PTPRT: variants seen among roughly 807,000 people sequenced by gnomAD.
PTPRT encodes receptor-type tyrosine-protein phosphatase T.
In PTPRT, 56 loss-of-function variants were observed where a neutral mutation model predicts 176.8. The ratio of observed to expected loss-of-function variants is 0.32; its 90% CI spans 0.26 to 0.40. The LOEUF (loss-of-function observed/expected upper bound fraction) is 0.40, where lower values mean the gene tolerates loss of function less well. Ranked by LOEUF, PTPRT falls within the 10% of genes least tolerant of loss-of-function variation. The probability of loss-of-function intolerance (pLI) is 1.00; values close to 1 mark genes in which losing one functional copy is unlikely to be tolerated. For missense variants in PTPRT, 1,540 were observed against 1,908.2 expected (o/e 0.81, Z 3.60); for synonymous variants, 783 against 739.0 (o/e 1.06, Z -0.96).
chr20:42,470,453 C>T (rs1196251557), intron 8 of PTPRT, among the ~76,000 whole-genome samples: 1 of 152,126 alleles, frequency 6.6e-6, no homozygotes, highest in Non-Finnish European at 1.5e-5. Context: ...CCCAGTCTCC[C>T]CTGGGAAAAC....
chr20:43,147,606 C>T (rs113026818), intron 1 of PTPRT, among the ~76,000 whole-genome samples: 2,718 of 152,254 alleles, frequency 0.018, 74 homozygotes, highest in African/African-American at 0.061. Flanking sequence ...ATCCCACAGC[C>T]TCTTGTTTGC....
At chr20:42,881,067 G>A (rs531268416) in intron 2 of PTPRT, among the ~76,000 whole-genome samples, 1 of 152,306 alleles carries the variant, frequency 6.6e-6, no homozygotes, top group African/African-American at 2.4e-5. Flanking sequence ...AGCTAGAAGT[G>A]GGGGCAAGGT....
Position 42,558,487 on chromosome 20 carries a change from A to T in PTPRT, c.1154-85925T>A, listed in dbSNP as rs2072898693. ...TTATATTCCTTTGAGTATAATCGTA[A>T]TGGGGCTGCTGGGTCTAATGGTATT... On this transcript the variant is annotated intron_variant, in intron 7 of 30. Transcript: ENST00000373187. 5.3e-5 allele frequency among the ~76,000 whole-genome samples: 8 copies of T among 152,254 alleles called. No individual in the cohort carries two copies. The South Asian group carries it at 1.7e-3, about 32-fold the overall frequency.
At chr20:43,172,060 A>G (rs6093787) in intron 1 of PTPRT, among the ~76,000 whole-genome samples, 14,712 of 152,162 alleles carry the variant, frequency 0.097, 1,147 homozygotes, top group East Asian at 0.35. Flanking sequence ...AAAGGGTTCA[A>G]AACCTCACTG....
intron 25 of PTPRT, among the ~76,000 whole-genome samples, chr20:42,104,010 T>C (rs1391487813): frequency 1.3e-5 from 2 of 152,216 alleles, no homozygotes; most frequent in Non-Finnish European, 2.9e-5. Context: ...ACATAGCCAC[T>C]GAAGTTGGTT....
chr20:42,241,838 G>A lies in PTPRT; in HGVS notation c.2313-5580C>T, dbSNP rs371934634. Among the ~76,000 whole-genome samples, 31 of 152,110 alleles carry A rather than the reference G, an allele frequency of 2.0e-4. 1 individual carries two copies. The highest frequency in any genetic ancestry group is 1.7e-3 in the East Asian group (9 of 5,150). On this transcript the variant is annotated intron_variant, in intron 14 of 30. Transcript: ENST00000373187. ...GGCGTTTGGGCTTTTTTCCCACCTC[G>A]ATAAATCACTCAAAATTATGCCACA...
intron 8 of PTPRT, among the ~76,000 whole-genome samples, chr20:42,451,902 A>G (rs6030251): frequency 0.48 from 73,410 of 151,950 alleles, 18,761 homozygotes; most frequent in African/African-American, 0.65. Flanking sequence ...AACCATAACA[A>G]GAATGAGATA....
intron 16 of PTPRT, among the ~76,000 whole-genome samples, chr20:42,163,293 G>C (rs1381045009): frequency 6.6e-6 from 1 of 152,148 alleles, no homozygotes; most frequent in African/African-American, 2.4e-5. Context: ...GTCCTTTGGG[G>C]ACCAGCCAAA....
At chr20:42,245,171 T>C (rs2056426881) in intron 14 of PTPRT, among the ~76,000 whole-genome samples, 1 of 152,196 alleles carries the variant, frequency 6.6e-6, no homozygotes. Context: ...ATGGAGCCAC[T>C]ATCTAGTGAC....
At chr20:42,653,134 C>T (rs1457429123) in intron 7 of PTPRT, among the ~76,000 whole-genome samples, 1 of 152,112 alleles carries the variant, frequency 6.6e-6, no homozygotes, top group African/African-American at 2.4e-5. Context: ...GAGGCGGTTA[C>T]CCCCATGCTG....
chr20:42,144,669 T>A (rs1441663607), intron 17 of PTPRT, among the ~76,000 whole-genome samples: 2 of 152,164 alleles, frequency 1.3e-5, no homozygotes, highest in Non-Finnish European at 2.9e-5. Context: ...TCAGACCATG[T>A]TTTGATTACT....
chr20:42,235,251 T>TTTA (rs34004795), intron 15 of PTPRT, among the ~76,000 whole-genome samples: 13,223 of 150,368 alleles, frequency 0.088, 1,806 homozygotes, highest in African/African-American at 0.3. Flanking sequence ...GTTGTTGTTA[T>TTTA]TTATTATTAT....
intron 7 of PTPRT, among the ~76,000 whole-genome samples, chr20:42,667,550 G>A (rs958182909): frequency 2.0e-5 from 3 of 152,116 alleles, no homozygotes; most frequent in African/African-American, 7.2e-5. Flanking sequence ...AAAATCCAGA[G>A]AGCTTGATAA....
At chr20:42,217,750 C>T (rs1367876245) in intron 15 of PTPRT, among the ~76,000 whole-genome samples, 2 of 152,154 alleles carry the variant, frequency 1.3e-5, no homozygotes, top group East Asian at 3.9e-4. Context: ...TACTCCCAGG[C>T]ATGTCAATAA....
intron 2 of PTPRT, among the ~76,000 whole-genome samples, chr20:42,799,188 G>A (rs2077494876): frequency 6.6e-6 from 1 of 151,842 alleles, no homozygotes; most frequent in South Asian, 2.1e-4. Context: ...GGGAGGAAGG[G>A]GAACAAGGGA....
intron 7 of PTPRT, among the ~76,000 whole-genome samples, chr20:42,542,882 T>C (rs1198670760): frequency 6.6e-6 from 1 of 152,158 alleles, no homozygotes; most frequent in Non-Finnish European, 1.5e-5. Flanking sequence ...GAACAAGAGG[T>C]CTATAAAAGT....
At chr20:42,501,858 T>C (rs1395924370) in intron 7 of PTPRT, among the ~76,000 whole-genome samples, 1 of 151,932 alleles carries the variant, frequency 6.6e-6, no homozygotes, top group African/African-American at 2.4e-5. Flanking sequence ...TAAGCTAATA[T>C]GCCTTCATTT....
chr20:42,986,890 ACT>A (rs766465871), intron 1 of PTPRT, among the ~76,000 whole-genome samples: 5 of 152,002 alleles, frequency 3.3e-5, no homozygotes, highest in Non-Finnish European at 5.9e-5. Flanking sequence ...CTGGGGACAG[ACT>A]CTCCTCTGGG....
Position 42,706,549 on chromosome 20 carries a change from A to G in PTPRT, c.860-28390T>C, listed in dbSNP as rs73907242. ...TTGTATTGAGCATAGAAAGTAAAAC[A>G]TATGGGCACATAGGCATCTCAGCAC... On this transcript the variant is annotated intron_variant, in intron 6 of 30. Coordinates refer to ENST00000373187, the MANE Select transcript of PTPRT (RefSeq NM_007050.6). Among the ~76,000 whole-genome samples, 789 of 152,296 alleles carry G rather than the reference A, an allele frequency of 5.2e-3. 9 individuals are homozygous for G. Among genetic ancestry groups the G allele is most frequent in the African/African-American group, 0.017 (724 of 41,558 alleles).
Sources: gnomAD v4.1 joint callset for allele counts (sites outside exome capture counted in the v4.1 genomes callset) on GRCh38, gnomAD v4.1.1 for gene constraint, MANE v1.5 for transcripts, NCBI Gene and HGNC (gene_info 2026-07-23, HGNC 2026-07-21) for gene names.